ARMC3: variants seen among roughly 807,000 people sequenced by gnomAD.
The protein encoded by ARMC3 is armadillo repeat-containing protein 3.
Under a neutral mutation model 90.3 loss-of-function variants are expected in ARMC3, and 74 were observed. The ratio of observed to expected loss-of-function variants is 0.82; its 90% CI spans 0.68 to 0.99. The LOEUF (loss-of-function observed/expected upper bound fraction) is 0.99. ARMC3 is among the 50% of genes least tolerant of loss of function. The pLI is 0.00. For synonymous variants in ARMC3, 334 were observed against 361.8 expected (o/e 0.92, Z 0.87); for missense variants, 958 against 1,042.8 (o/e 0.92, Z 1.12).
chr10:22,943,094 T>C (rs766461662), intron 2 of ARMC3, among the ~76,000 whole-genome samples: 13 of 152,182 alleles, frequency 8.5e-5, no homozygotes, highest in Admixed American at 5.2e-4. Flanking sequence ...CCTTCAAAGA[T>C]ACTAGAAATG....
chr10:22,966,909 T>C (rs1212701869), intron 7 of ARMC3, among the ~76,000 whole-genome samples: 1 of 151,952 alleles, frequency 6.6e-6, no homozygotes, highest in Admixed American at 6.6e-5. Context: ...ACGTGGGGAT[T>C]ATGTTACTTA....
intron 3 of ARMC3, among the ~76,000 whole-genome samples, chr10:22,949,897 A>G (rs1834676674): frequency 6.6e-6 from 1 of 152,180 alleles, no homozygotes; most frequent in South Asian, 2.1e-4. Context: ...AATAAAGATA[A>G]GGATGACAGT....
chr10:22,997,368 T>C (rs373921915), intron 10 of ARMC3: 22 of 152,286 alleles, frequency 1.4e-4, no homozygotes, highest in African/African-American at 5.3e-4. Context: ...CAAGGACTAT[T>C]CTGTGCTCTT....
chr10:22,929,478 C>T (rs1283340111), intron 1 of ARMC3, among the ~76,000 whole-genome samples: 2 of 152,278 alleles, frequency 1.3e-5, no homozygotes, highest in South Asian at 4.1e-4. Context: ...AGCTCATTGC[C>T]ACCGACCTAT....
chr10:23,037,231 C>T, intron 18 of ARMC3, 39 bp from the exon 19 acceptor site: 1 of 1,510,214 alleles, frequency 6.6e-7, no homozygotes, highest in Non-Finnish European at 8.9e-7. Flanking sequence ...CACCCCTCTC[C>T]CGCACCACCC....
intron 10 of ARMC3, among the ~76,000 whole-genome samples, chr10:22,987,260 A>C (rs1168574040): frequency 6.6e-6 from 1 of 152,184 alleles, no homozygotes; most frequent in East Asian, 1.9e-4. Context: ...CATATTATTT[A>C]TGCAAGTACT....
At chr10:22,968,550 A>T (rs577233857) in intron 8 of ARMC3, 61 bp downstream of exon 8, 1 of 1,436,558 alleles carries the variant, frequency 7.0e-7, no homozygotes, top group African/African-American at 1.4e-5. Flanking sequence ...CTCAGGCTGG[A>T]GTGCTGTGGC....
At chr10:22,972,658 G>A (rs981279884) in intron 8 of ARMC3, among the ~76,000 whole-genome samples, 5 of 152,042 alleles carry the variant, frequency 3.3e-5, no homozygotes, top group African/African-American at 7.2e-5. Flanking sequence ...TTTTCAGACC[G>A]AAGAATTCAG....
intron 12 of ARMC3, 102 bp downstream of exon 12, chr10:23,002,157 C>G: frequency 1.0e-5 from 15 of 1,470,496 alleles, no homozygotes; most frequent in Non-Finnish European, 1.4e-5. Context: ...CTCCGCTGCT[C>G]TCTCAGTCCG....
At chr10:23,033,773 T>G (rs1297388267) in intron 18 of ARMC3, among the ~76,000 whole-genome samples, 1 of 152,152 alleles carries the variant, frequency 6.6e-6, no homozygotes, top group African/African-American at 2.4e-5. Context: ...AGAAGGTGAC[T>G]GAGCAAGAAG....
chr10:22,978,518 T>C (rs1013861139), intron 8 of ARMC3, among the ~76,000 whole-genome samples: 5 of 152,184 alleles, frequency 3.3e-5, no homozygotes, highest in Non-Finnish European at 7.4e-5. Context: ...TGAGATTTGT[T>C]TGGGGACACA....
intron 8 of ARMC3, among the ~76,000 whole-genome samples, chr10:22,969,637 T>C (rs1212427680): frequency 6.6e-6 from 1 of 152,218 alleles, no homozygotes; most frequent in Non-Finnish European, 1.5e-5. Flanking sequence ...TTGGCAAAAG[T>C]TGGTTTACCC....
At chr10:22,961,527 A>G (rs1173520204) in intron 6 of ARMC3, 1 of 194,452 alleles carries the variant, frequency 5.1e-6, no homozygotes, top group African/African-American at 2.4e-5. Flanking sequence ...AATCAATGCC[A>G]TTTCATTGCA....
intron 8 of ARMC3, among the ~76,000 whole-genome samples, chr10:22,974,171 G>T (rs372864079): frequency 6.6e-6 from 1 of 151,984 alleles, no homozygotes; most frequent in East Asian, 1.9e-4. Context: ...TTGATATTAA[G>T]ATTACCATGT....
chr10:22,990,168 C>A (rs1836639911), intron 10 of ARMC3, among the ~76,000 whole-genome samples: 1 of 151,938 alleles, frequency 6.6e-6, no homozygotes, highest in Non-Finnish European at 1.5e-5. Context: ...TGTGATTTCC[C>A]CCCCCCACTT....
intron 18 of ARMC3, among the ~76,000 whole-genome samples, chr10:23,035,547 A>G (rs1327665582): frequency 6.6e-6 from 1 of 151,184 alleles, no homozygotes; most frequent in Non-Finnish European, 1.5e-5. Flanking sequence ...TTCTATATAT[A>G]CTCTTTATCT....
intron 8 of ARMC3, among the ~76,000 whole-genome samples, chr10:22,978,165 C>T (rs1195987258): frequency 1.3e-5 from 2 of 152,174 alleles, no homozygotes; most frequent in Admixed American, 6.5e-5. Flanking sequence ...TTTTCAGGTC[C>T]TACCTGTATT....
At chr10:23,021,256 A>C (rs11013254) in intron 16 of ARMC3, among the ~76,000 whole-genome samples, 9,427 of 152,308 alleles carry the variant, frequency 0.062, 415 homozygotes, top group Middle Eastern at 0.13. Flanking sequence ...GCTATCGTGA[A>C]TAGTGCTGCA....
chr10:22,972,870 G>A (rs891486750), intron 8 of ARMC3, among the ~76,000 whole-genome samples: 1 of 152,100 alleles, frequency 6.6e-6, no homozygotes, highest in Non-Finnish European at 1.5e-5. Flanking sequence ...TCAGTCTTAT[G>A]CAGCAAGTAT....
Sources: allele counts gnomAD v4.1 joint callset (sites outside exome capture counted in the v4.1 genomes callset), GRCh38; gene constraint gnomAD v4.1.1; transcripts MANE v1.5; gene names NCBI Gene and HGNC (gene_info 2026-07-23, HGNC 2026-07-21).